CMSS1: variants seen among roughly 807,000 people sequenced by gnomAD.
The protein encoded by CMSS1 is protein CMSS1.
In CMSS1, 33 loss-of-function variants were observed where a neutral mutation model predicts 43.5. The observed-to-expected ratio is 0.76, with a 90% CI of 0.57 to 1.01. The LOEUF is 1.01. Ranked by LOEUF, CMSS1 falls within the 50% of genes least tolerant of loss-of-function variation. The pLI is 0.00. For synonymous variants in CMSS1, 115 were observed against 117.2 expected (o/e 0.98, Z 0.12); for missense variants, 313 against 326.4 (o/e 0.96, Z 0.32).
chr3:100,039,170 A>G (rs2065159836), intron 1 of CMSS1, among the ~76,000 whole-genome samples: 1 of 152,236 alleles, frequency 6.6e-6, no homozygotes, highest in Non-Finnish European at 1.5e-5. Context: ...ACACAGAGAC[A>G]TTCCCAGACC....
intron 1 of CMSS1, among the ~76,000 whole-genome samples, chr3:100,105,198 G>C (rs1375525040): frequency 6.6e-6 from 1 of 152,106 alleles, no homozygotes; most frequent in Non-Finnish European, 1.5e-5. Flanking sequence ...TGTTGACAAG[G>C]CTGATTTAGT....
At chr3:100,055,261 A>G (rs540436376) in intron 1 of CMSS1, among the ~76,000 whole-genome samples, 8 of 152,240 alleles carry the variant, frequency 5.3e-5, no homozygotes, top group African/African-American at 1.9e-4. Flanking sequence ...ATCCTGAACA[A>G]TGTCTCTCTT....
At chr3:100,001,245 C>G (rs1463421161) in intron 1 of CMSS1, among the ~76,000 whole-genome samples, 2 of 152,080 alleles carry the variant, frequency 1.3e-5, no homozygotes, top group South Asian at 2.1e-4. Context: ...CAAATCAGAC[C>G]CTTAATCTGT....
Position 100,151,184 on chromosome 3 carries a change from T to C in CMSS1, c.153+4123T>C, listed in dbSNP as rs78228933. On this transcript the variant is annotated intron_variant, in intron 2 of 9. Transcript: ENST00000421999. Reference sequence around the variant, plus strand: ...TGAAAGAAAACAGAGCTGTGTCCTATTCATTCTCTGATTCACCTTTTTCCT... The same window carrying C: ...TGAAAGAAAACAGAGCTGTGTCCTACTCATTCTCTGATTCACCTTTTTCCT... Among the ~76,000 whole-genome samples, 20 of 152,372 alleles carry C rather than the reference T, an allele frequency of 1.3e-4. 1 individual carries two copies. In the East Asian group the frequency reaches 3.7e-3, roughly 28 times the overall value.
At chr3:99,901,013 T>C (rs1003476686) in intron 1 of CMSS1, among the ~76,000 whole-genome samples, 1 of 152,254 alleles carries the variant, frequency 6.6e-6, no homozygotes, top group African/African-American at 2.4e-5. Flanking sequence ...TTCTTATTGA[T>C]AATTATGAAG....
intron 1 of CMSS1, among the ~76,000 whole-genome samples, chr3:100,094,993 C>T (rs2066179713): frequency 6.6e-6 from 1 of 152,042 alleles, no homozygotes; most frequent in African/African-American, 2.4e-5. Flanking sequence ...TGGCCAAAAG[C>T]TGTCTTTTGT....
intron 2 of CMSS1, among the ~76,000 whole-genome samples, chr3:100,156,879 T>C (rs748829752): frequency 1.3e-5 from 2 of 151,880 alleles, no homozygotes; most frequent in Non-Finnish European, 2.9e-5. Flanking sequence ...CCTCCCAAAG[T>C]GCTGGGATTA....
At chr3:99,997,658 A>G (rs1378909221) in intron 1 of CMSS1, among the ~76,000 whole-genome samples, 3 of 152,242 alleles carry the variant, frequency 2.0e-5, no homozygotes, top group African/African-American at 7.2e-5. Context: ...AGAATATTTC[A>G]GTGATCCTTA....
intron 1 of CMSS1, among the ~76,000 whole-genome samples, chr3:99,841,027 C>G (rs527597031): frequency 1.9e-3 from 296 of 152,334 alleles, no homozygotes; most frequent in African/African-American, 6.7e-3. Context: ...GGCAGTGAAT[C>G]TTTCATCTCC....
chr3:100,081,072 T>C (rs1040568559), intron 1 of CMSS1, among the ~76,000 whole-genome samples: 1 of 152,244 alleles, frequency 6.6e-6, no homozygotes, highest in Admixed American at 6.5e-5. Flanking sequence ...ACAGCCAATG[T>C]TATATCCATT....
chr3:100,177,366 C>T (rs2067156169), intron 9 of CMSS1, among the ~76,000 whole-genome samples: 2 of 152,226 alleles, frequency 1.3e-5, no homozygotes, highest in Admixed American at 6.5e-5. Flanking sequence ...AATTTGATAT[C>T]AGGCATGAGG....
At chr3:99,897,969 G>A (rs1329647167) in intron 1 of CMSS1, among the ~76,000 whole-genome samples, 3 of 152,132 alleles carry the variant, frequency 2.0e-5, no homozygotes, top group East Asian at 3.8e-4. Context: ...ATTAAGAAAA[G>A]ATATCCTACC....
chr3:100,088,189 G>C (rs1160389112), intron 1 of CMSS1, among the ~76,000 whole-genome samples: 1 of 152,140 alleles, frequency 6.6e-6, no homozygotes, highest in African/African-American at 2.4e-5. Flanking sequence ...TTGGGAGCTT[G>C]CTGGGATGGA....
chr3:99,941,243 A>C (rs959529821), intron 1 of CMSS1, among the ~76,000 whole-genome samples: 4 of 152,206 alleles, frequency 2.6e-5, no homozygotes, highest in African/African-American at 9.7e-5. Flanking sequence ...CTACTGATGA[A>C]AAAACTGAAG....
At chr3:99,910,766 G>A (rs1367996440) in intron 1 of CMSS1, among the ~76,000 whole-genome samples, 1 of 83,512 alleles carries the variant, frequency 1.2e-5, no homozygotes, top group Non-Finnish European at 3.2e-5. Flanking sequence ...ATGCAAGAAA[G>A]TAGATAACTA....
chr3:99,975,030 A>T (rs1473208430), intron 1 of CMSS1, among the ~76,000 whole-genome samples: 3 of 152,192 alleles, frequency 2.0e-5, no homozygotes, highest in Non-Finnish European at 4.4e-5. Context: ...GTCATTAATT[A>T]CAGTTAATAA....
chr3:99,949,635 A>G (rs916531439), intron 1 of CMSS1, among the ~76,000 whole-genome samples: 24 of 152,246 alleles, frequency 1.6e-4, no homozygotes, highest in African/African-American at 5.1e-4. Flanking sequence ...TAAGAAAGAC[A>G]AAGAAGTGCA....
At chr3:99,963,775 G>C (rs545369276) in intron 1 of CMSS1, among the ~76,000 whole-genome samples, 1 of 152,116 alleles carries the variant, frequency 6.6e-6, no homozygotes, top group African/African-American at 2.4e-5. Flanking sequence ...ACGCCACCAT[G>C]CTCAGCTAAT....
chr3:100,157,155 C>T (rs562893984), intron 2 of CMSS1, among the ~76,000 whole-genome samples: 3 of 152,218 alleles, frequency 2.0e-5, no homozygotes, highest in African/African-American at 7.2e-5. Flanking sequence ...TTTTTCTTTT[C>T]ATTTTTCATC....
Sources: allele counts gnomAD v4.1 joint callset (sites outside exome capture counted in the v4.1 genomes callset), GRCh38; gene constraint gnomAD v4.1.1; transcripts MANE v1.5; gene names NCBI Gene and HGNC (gene_info 2026-07-23, HGNC 2026-07-21).